The following AKAP19 variants were observed in gnomAD, a reference collection of about 807,000 sequenced individuals.
AKAP19 encodes the protein A-kinase anchoring protein 19.
the AKAP19 span, among the ~76,000 whole-genome samples, chr2:189,952,475 A>G: frequency 6.6e-6 from 1 of 152,140 alleles, no homozygotes; most frequent in Non-Finnish European, 1.5e-5. Flanking sequence ...TAGAAATAGA[A>G]GTCATATTAT....
At chr2:190,186,849 A>AT in the AKAP19 span, among the ~76,000 whole-genome samples, 3 of 151,606 alleles carry the variant, frequency 2.0e-5, no homozygotes, top group Non-Finnish European at 2.9e-5. The surrounding 1 kb of genome is among the most constrained non-coding windows in gnomAD (Gnocchi z 5.5). Context: ...CTTATTTTTT[A>AT]TTTTTTTTGA....
At chr2:190,111,171 G>A in the AKAP19 span, among the ~76,000 whole-genome samples, 4 of 152,288 alleles carry the variant, frequency 2.6e-5, no homozygotes, top group African/African-American at 7.2e-5. Context: ...CTAGCAGCAA[G>A]GAGGTTACCA....
chr2:190,069,341 G>A, the AKAP19 span, among the ~76,000 whole-genome samples: 1 of 152,096 alleles, frequency 6.6e-6, no homozygotes, highest in Admixed American at 6.5e-5. Flanking sequence ...TTCCAGAACA[G>A]CTGACAATAT....
the AKAP19 span, among the ~76,000 whole-genome samples, chr2:190,145,148 G>C: frequency 5.3e-5 from 8 of 152,030 alleles, no homozygotes; most frequent in Admixed American, 5.2e-4. Flanking sequence ...TTAGCCAGAC[G>C]TGGTAGCCCA....
At chr2:190,173,963 C>T in the AKAP19 span, among the ~76,000 whole-genome samples, 1 of 152,106 alleles carries the variant, frequency 6.6e-6, no homozygotes, top group African/African-American at 2.4e-5. Flanking sequence ...GTCACCTGCT[C>T]TGTCCTTAGT....
the AKAP19 span, among the ~76,000 whole-genome samples, chr2:190,178,667 G>C: frequency 6.6e-6 from 1 of 152,264 alleles, no homozygotes; most frequent in African/African-American, 2.4e-5. This position sits in a 1 kb window ranked among gnomAD's most constrained non-coding sequence, Gnocchi z 6.3. Flanking sequence ...CGGTGTGTAG[G>C]CCTCGCTCCC....
the AKAP19 span, among the ~76,000 whole-genome samples, chr2:190,006,596 G>GCA: frequency 6.9e-6 from 1 of 145,490 alleles, no homozygotes; most frequent in South Asian, 2.2e-4. Context: ...CCGAGATCAT[G>GCA]CCACTGCACT....
the AKAP19 span, among the ~76,000 whole-genome samples, chr2:189,888,138 G>T: frequency 1.3e-5 from 2 of 152,140 alleles, no homozygotes; most frequent in African/African-American, 4.8e-5. Context: ...TTTGTATAAG[G>T]TATAAGGAAG....
chr2:189,931,691 C>A, the AKAP19 span, among the ~76,000 whole-genome samples: 1 of 152,086 alleles, frequency 6.6e-6, no homozygotes, highest in Non-Finnish European at 1.5e-5. Flanking sequence ...ACAATCGTGG[C>A]TCACTGCAGC....
the AKAP19 span, among the ~76,000 whole-genome samples, chr2:190,029,825 C>T: frequency 2.1e-4 from 32 of 152,238 alleles, no homozygotes; most frequent in South Asian, 3.1e-3. Flanking sequence ...CACACACGTA[C>T]ACACCCATGC....
the AKAP19 span, among the ~76,000 whole-genome samples, chr2:190,058,686 A>G: frequency 0.33 from 49,953 of 151,868 alleles, 11,240 homozygotes; most frequent in African/African-American, 0.64. Flanking sequence ...AAAAAAGAGT[A>G]AAGGAATGTC....
At chr2:190,122,339 A>G in the AKAP19 span, among the ~76,000 whole-genome samples, 1 of 152,206 alleles carries the variant, frequency 6.6e-6, no homozygotes, top group Admixed American at 6.5e-5. Flanking sequence ...CTGTTACCAG[A>G]TCCTTGAGGC....
At chr2:189,956,179 T>TTTTTTTC in the AKAP19 span, among the ~76,000 whole-genome samples, 9 of 135,402 alleles carry the variant, frequency 6.6e-5, no homozygotes, top group Non-Finnish European at 9.6e-5. Flanking sequence ...TTTTTTTTCT[T>TTTTTTTC]TTTTTTTTGA....
At chr2:190,035,032 C>A in the AKAP19 span, among the ~76,000 whole-genome samples, 1 of 151,904 alleles carries the variant, frequency 6.6e-6, no homozygotes, top group African/African-American at 2.4e-5. Context: ...TGTCCCTGCC[C>A]CCAGATTATT....
chr2:190,148,284 T>C, the AKAP19 span, among the ~76,000 whole-genome samples: 1 of 152,244 alleles, frequency 6.6e-6, no homozygotes, highest in Admixed American at 6.5e-5. Context: ...TTGTTTTCAA[T>C]TCTGTTTATG....
At chr2:190,006,851 T>C in the AKAP19 span, among the ~76,000 whole-genome samples, 5,221 of 151,902 alleles carry the variant, frequency 0.034, 284 homozygotes, top group African/African-American at 0.12. Context: ...ACCACGACTC[T>C]ACTAAAAATA....
chr2:190,167,891 C>T, the AKAP19 span, among the ~76,000 whole-genome samples: 3 of 152,154 alleles, frequency 2.0e-5, no homozygotes, highest in Non-Finnish European at 4.4e-5. Flanking sequence ...TCCAGGTGCA[C>T]GGTGCTAGCT....
At chr2:189,949,515 A>G in the AKAP19 span, among the ~76,000 whole-genome samples, 2 of 152,074 alleles carry the variant, frequency 1.3e-5, no homozygotes, top group East Asian at 3.9e-4. Context: ...AAAGAAAAAA[A>G]AAAAGGAAAA....
At chr2:190,196,222 T>C in the AKAP19 span, among the ~76,000 whole-genome samples, 2 of 152,090 alleles carry the variant, frequency 1.3e-5, no homozygotes, top group African/African-American at 4.8e-5. Context: ...ATACTTGCAT[T>C]ATCTCTTTAG....
Sources: gnomAD v4.1 joint callset for allele counts (sites outside exome capture counted in the v4.1 genomes callset) on GRCh38, gnomAD v4.1.1 for gene constraint, Gnocchi (gnomAD v3.1) non-coding constraint, MANE v1.5 for transcripts, NCBI Gene and HGNC (gene_info 2026-07-23, HGNC 2026-07-21) for gene names.